Variants in VDAC1 observed in about 807,000 individuals in gnomAD.
The protein encoded by VDAC1 is voltage dependent anion channel 1, also known as non-selective voltage-gated ion channel VDAC1.
Under a neutral mutation model 34.7 loss-of-function variants are expected in VDAC1, and 10 were observed. The observed-to-expected ratio is 0.29, with a 90% CI of 0.18 to 0.49. The LOEUF (loss-of-function observed/expected upper bound fraction) is 0.49. Among genes scored for constraint, VDAC1 ranks in the 20% least tolerant of loss-of-function variants. VDAC1 has a pLI of 0.99. For synonymous variants in VDAC1, 130 were observed against 136.0 expected, an observed-to-expected ratio of 0.96 and a Z score of 0.30; for missense variants, 230 against 347.9, an observed-to-expected ratio of 0.66 and a Z score of 2.69.
the VDAC1 span, among the ~76,000 whole-genome samples, chr5:134,033,884 T>G: frequency 3.3e-5 from 5 of 151,186 alleles, no homozygotes; most frequent in African/African-American, 1.2e-4. Context: ...CCCAGCTACT[T>G]GGGAGGCTGA....
intron 1 of VDAC1, 21 bp from the exon 2 acceptor site, chr5:133,993,039 G>A: frequency 1.3e-6 from 2 of 1,592,788 alleles, no homozygotes; most frequent in Non-Finnish European, 1.7e-6. Context: ...AGAATCACCA[G>A]AATAAATGCA....
chr5:134,092,205 CCT>C, the VDAC1 span, among the ~76,000 whole-genome samples: 1,251 of 152,250 alleles, frequency 8.2e-3, 14 homozygotes, highest in African/African-American at 0.028. Flanking sequence ...TATTCTAAGG[CCT>C]CTCTAAATTT....
At chr5:134,047,058 C>A in the VDAC1 span, among the ~76,000 whole-genome samples, 1 of 152,094 alleles carries the variant, frequency 6.6e-6, no homozygotes. Context: ...GAACTATACT[C>A]GGACTATCAG....
chr5:134,048,958 A>G, the VDAC1 span, among the ~76,000 whole-genome samples: 1 of 152,232 alleles, frequency 6.6e-6, no homozygotes, highest in South Asian at 2.1e-4. Flanking sequence ...ATGTTACACA[A>G]AAGTAATAAT....
chr5:134,068,096 C>T, the VDAC1 span, among the ~76,000 whole-genome samples: 5 of 151,694 alleles, frequency 3.3e-5, no homozygotes, highest in African/African-American at 9.7e-5. Context: ...CCAGCCTGGG[C>T]GACAGAGGGA....
chr5:134,016,936 A>G, the VDAC1 span, among the ~76,000 whole-genome samples: 1 of 152,190 alleles, frequency 6.6e-6, no homozygotes, highest in Non-Finnish European at 1.5e-5. Flanking sequence ...AGCCACAAGG[A>G]AAGGGCTGTG....
the VDAC1 span, among the ~76,000 whole-genome samples, chr5:134,061,636 A>G: frequency 1.3e-5 from 2 of 151,444 alleles, no homozygotes; most frequent in South Asian, 2.1e-4. Flanking sequence ...GCCCCCAAGA[A>G]TGCTGGGATT....
the VDAC1 span, among the ~76,000 whole-genome samples, chr5:134,052,697 C>G: frequency 4.6e-5 from 7 of 152,226 alleles, no homozygotes; most frequent in Non-Finnish European, 8.8e-5. Flanking sequence ...CTCCCCTATT[C>G]AGTCCACTTC....
rs1753508557 is a variant in VDAC1, at chr5:134,000,560, G to A, written c.-7+4335C>T. Among the ~76,000 whole-genome samples, 5 of 152,310 alleles carry A rather than the reference G, an allele frequency of 3.3e-5. 1 individual carries two copies. The Middle Eastern group carries it at 0.01, about 311-fold the overall frequency. On this transcript the variant is annotated intron_variant, in intron 1 of 8. Transcript: ENST00000265333. ...CCTCACTGCTTGGCTTGACCAGGTA[G>A]GGTTGAGACAGACAGTGCTTGGGCA...
chr5:133,981,034 C>G, intron 5 of VDAC1, 78 bp from the exon 6 acceptor site: 1 of 1,261,070 alleles, frequency 7.9e-7, no homozygotes, highest in East Asian at 2.4e-5. Context: ...TTTTTTTAAT[C>G]CCAGGTCAAA....
chr5:134,015,754 C>T, the VDAC1 span, among the ~76,000 whole-genome samples: 3 of 152,036 alleles, frequency 2.0e-5, no homozygotes, highest in African/African-American at 7.2e-5. Flanking sequence ...AAGCGATTCT[C>T]CTGCCTCAGC....
intron 7 of VDAC1, among the ~76,000 whole-genome samples, chr5:133,974,909 C>T (rs1207470009): frequency 1.3e-5 from 2 of 150,708 alleles, no homozygotes; most frequent in African/African-American, 4.9e-5. Flanking sequence ...GAGCTGAGAT[C>T]GTGCCATTGC....
intron 1 of VDAC1, among the ~76,000 whole-genome samples, chr5:133,993,485 T>A (rs1429271481): frequency 6.6e-6 from 1 of 152,256 alleles, no homozygotes; most frequent in Non-Finnish European, 1.5e-5. Flanking sequence ...ATTTTCCATG[T>A]GGCTCTGATT....
At chr5:133,993,335 T>C (rs1753175855) in intron 1 of VDAC1, among the ~76,000 whole-genome samples, 1 of 152,224 alleles carries the variant, frequency 6.6e-6, no homozygotes, top group Non-Finnish European at 1.5e-5. Context: ...ATGAATAAAC[T>C]GTCAAAGACA....
upstream of VDAC1, among the ~76,000 whole-genome samples, chr5:134,008,484 A>G (rs75201656): frequency 0.22 from 32,776 of 152,170 alleles, 4,075 homozygotes; most frequent in Admixed American, 0.29. Flanking sequence ...ATGTAAGACT[A>G]TTTCATTTTA....
chr5:134,044,158 C>T, the VDAC1 span, among the ~76,000 whole-genome samples: 1 of 152,210 alleles, frequency 6.6e-6, no homozygotes, highest in Non-Finnish European at 1.5e-5. Flanking sequence ...TACACCCCCT[C>T]ATTTCCGTAT....
the VDAC1 span, among the ~76,000 whole-genome samples, chr5:134,026,292 G>A: frequency 6.6e-6 from 1 of 152,088 alleles, no homozygotes; most frequent in Non-Finnish European, 1.5e-5. Context: ...CAGATCACGA[G>A]GTCAGAAGAT....
the VDAC1 span, among the ~76,000 whole-genome samples, chr5:134,112,988 T>G: frequency 6.6e-6 from 1 of 152,144 alleles, no homozygotes; most frequent in Non-Finnish European, 1.5e-5. Context: ...GTTGGGCAGA[T>G]CCGGATTCCC....
chr5:134,050,656 A>G, the VDAC1 span, among the ~76,000 whole-genome samples: 1 of 152,254 alleles, frequency 6.6e-6, no homozygotes, highest in Admixed American at 6.5e-5. Context: ...GTTGACTTGA[A>G]GTTAAGGCAG....
Sources: allele counts gnomAD v4.1 joint callset (sites outside exome capture counted in the v4.1 genomes callset), GRCh38; gene constraint gnomAD v4.1.1; transcripts MANE v1.5; gene names NCBI Gene and HGNC (gene_info 2026-07-23, HGNC 2026-07-21).